Variants in SH3BP4 observed in about 807,000 individuals in gnomAD.
SH3BP4 encodes SH3 domain binding protein 4.
Under a neutral mutation model 65.5 loss-of-function variants are expected in SH3BP4, and 33 were observed. The ratio of observed to expected loss-of-function variants is 0.50; its 90% confidence interval spans 0.38 to 0.67. The LOEUF is 0.67. Among genes scored for constraint, SH3BP4 ranks in the 30% least tolerant of loss-of-function variants. The pLI, the probability that SH3BP4 is intolerant of heterozygous loss-of-function variation, is 0.00. For synonymous variants in SH3BP4, 552 were observed against 545.5 expected, an observed-to-expected ratio of 1.01 and a Z score of -0.17; for missense variants, 1,134 against 1,261.4, an observed-to-expected ratio of 0.90 and a Z score of 1.53.
At chr2:235,008,945 G>T (rs1694388469) in intron 2 of SH3BP4, among the ~76,000 whole-genome samples, 2 of 152,312 alleles carry the variant, frequency 1.3e-5, no homozygotes, top group South Asian at 4.1e-4. Flanking sequence ...CAACACCGGG[G>T]TTCCAGCTGG....
intron 2 of SH3BP4, among the ~76,000 whole-genome samples, chr2:235,016,675 A>T (rs1694693233): frequency 6.6e-6 from 1 of 151,968 alleles, no homozygotes; most frequent in African/African-American, 2.4e-5. Context: ...TGCTCAGCTA[A>T]TTTTTTTGTA....
chr2:235,047,475 G>C (rs950637932), intron 4 of SH3BP4, among the ~76,000 whole-genome samples: 1 of 152,268 alleles, frequency 6.6e-6, no homozygotes, highest in African/African-American at 2.4e-5. Context: ...GCGTCTGGCA[G>C]TGGTAGAGGC....
Position 235,045,500 on chromosome 2 carries a change from G to GTCCTTCC in SH3BP4, c.2478+2254_2478+2260dup, listed in dbSNP as rs1695826621. 1.3e-5 allele frequency among the ~76,000 whole-genome samples: 2 copies of GTCCTTCC among 152,128 alleles called. No individual in the cohort carries two copies. Among genetic ancestry groups the GTCCTTCC allele is most frequent in the Admixed American group, 1.3e-4 (2 of 15,286 alleles). ...GGAGGGGTGTGTCCTCTGTGCCCGA[G>GTCCTTCC]TCCTTCCGCTACCCAGAAAGGAGGA... On this transcript the variant is annotated intron_variant, in intron 4 of 5. Transcript: ENST00000392011. The surrounding 1 kb of genome is among the most constrained non-coding windows in gnomAD (Gnocchi z 4.3).
chr2:235,000,101 G>C (rs1222276274), intron 2 of SH3BP4, among the ~76,000 whole-genome samples: 1 of 152,352 alleles, frequency 6.6e-6, no homozygotes, highest in East Asian at 1.9e-4. Context: ...CAGGCTGGGG[G>C]TGTGCCTGGG....
At chr2:235,023,563 G>A (rs544963887) in intron 2 of SH3BP4, among the ~76,000 whole-genome samples, 8 of 151,860 alleles carry the variant, frequency 5.3e-5, no homozygotes, top group Admixed American at 3.3e-4. Flanking sequence ...TGGGGTGGGG[G>A]GTGAGAAGAA....
intron 2 of SH3BP4, among the ~76,000 whole-genome samples, chr2:235,005,993 C>G (rs1043893653): frequency 6.6e-6 from 1 of 152,224 alleles, no homozygotes; most frequent in African/African-American, 2.4e-5. Flanking sequence ...GGTTTTGATC[C>G]CTGGGGGAGT....
intron 1 of SH3BP4, among the ~76,000 whole-genome samples, chr2:234,960,811 AT>A (rs1297201199): frequency 6.6e-6 from 1 of 152,176 alleles, no homozygotes; most frequent in Non-Finnish European, 1.5e-5. Context: ...AAACAGCCTG[AT>A]TTGCAAAACT....
intron 1 of SH3BP4, among the ~76,000 whole-genome samples, chr2:234,960,822 T>C (rs1214962508): frequency 1.3e-5 from 2 of 152,180 alleles, no homozygotes; most frequent in African/African-American, 4.8e-5. Context: ...TTTGCAAAAC[T>C]GAAAGTTGTT....
In SH3BP4 at chr2:235,045,523, G is replaced by A. The variant is rs1695827954; in HGVS notation, c.2478+2276G>A. ...GAGTCCTTCCGCTACCCAGAAAGGA[G>A]GAAGTGAAACTTGCCCTTGGCCAGG... On this transcript the variant is annotated intron_variant, in intron 4 of 5. Coordinates refer to ENST00000392011, the MANE Select transcript of SH3BP4 (RefSeq NM_014521.3). The surrounding 1 kb of genome is among the most constrained non-coding windows in gnomAD (Gnocchi z 4.3). 6.6e-6 allele frequency among the ~76,000 whole-genome samples: 1 copy of A among 152,164 alleles called. No homozygotes were observed. The highest frequency in any genetic ancestry group is 2.4e-5 in the African/African-American group (1 of 41,434).
At chr2:234,988,261 G>T (rs13406254) in intron 1 of SH3BP4, among the ~76,000 whole-genome samples, 1 of 152,020 alleles carries the variant, frequency 6.6e-6, no homozygotes, top group East Asian at 1.9e-4. Context: ...GGGTTTCACC[G>T]TGTTAGCCAG....
rs1212707893 is a variant in SH3BP4 at position 235,046,868 on chromosome 2, T to G, written c.2478+3621T>G. ...GTGGTTCCATTTCCTCTTTCCATTC[T>G]TTTTGTGCCTGTTTTTGATAGAGTC... is the stretch of plus-strand genomic sequence containing the variant. On this transcript the variant is annotated intron_variant, in intron 4 of 5. Transcript: ENST00000392011. The surrounding 1 kb of genome is among the most constrained non-coding windows in gnomAD (Gnocchi z 4.2). 6.6e-6 allele frequency among the ~76,000 whole-genome samples: 1 copy of G among 152,198 alleles called. No homozygotes were observed. The highest frequency in any genetic ancestry group is 2.4e-5 in the African/African-American group (1 of 41,452).
At position 235,041,945 on chromosome 2, in the gene SH3BP4, C is replaced by G; in HGVS notation, c.1176C>G (p.Ile392Met). ...ACCTGGAGGTGAAAACCTCTATCAT[C>G]TTGGAGATGAAAGTGTCAGCCGAGA... Reference protein sequence around the residue: ...LSNLEVKTSIILEMKVSAEIK... With the variant: ...LSNLEVKTSIMLEMKVSAEIK... The change falls in exon 4 of 6, where the codon ATC becomes ATG. Residue 392 changes from isoleucine (I) to methionine (M), a missense_variant. Ile to Met is a conservative substitution (Grantham distance 10). Transcript: ENST00000392011. This position sits in a 1 kb window ranked among gnomAD's most constrained non-coding sequence, Gnocchi z 6.0. The G allele has an allele frequency of 6.2e-7, 1 of 1,613,506 alleles. No individual in the cohort carries two copies. The highest frequency in any genetic ancestry group is 8.5e-7 in the Non-Finnish European group (1 of 1,179,626).
intron 4 of SH3BP4, among the ~76,000 whole-genome samples, chr2:235,049,561 C>T (rs1340500768): frequency 6.6e-6 from 1 of 152,214 alleles, no homozygotes; most frequent in Non-Finnish European, 1.5e-5. Flanking sequence ...GACAGCCTAC[C>T]AGCTAACTAC....
intron 2 of SH3BP4, among the ~76,000 whole-genome samples, chr2:235,032,410 A>G (rs921109697): frequency 6.6e-6 from 1 of 152,086 alleles, no homozygotes; most frequent in Non-Finnish European, 1.5e-5. Context: ...GGGTCTCTTC[A>G]TTTTCTTTCT....
chr2:234,981,136 C>T (rs1342043391), intron 1 of SH3BP4, among the ~76,000 whole-genome samples: 1 of 152,206 alleles, frequency 6.6e-6, no homozygotes, highest in Admixed American at 6.5e-5. Flanking sequence ...AAAATCAAAT[C>T]AGGCACAATT....
chr2:234,992,586 C>T (rs1693779754), intron 1 of SH3BP4, among the ~76,000 whole-genome samples: 1 of 150,202 alleles, frequency 6.7e-6, no homozygotes, highest in South Asian at 2.1e-4. Context: ...GTCTGGGCAG[C>T]ACCTGGAGAT....
At chr2:235,028,766 C>T (rs1695084313) in intron 2 of SH3BP4, among the ~76,000 whole-genome samples, 1 of 152,098 alleles carries the variant, frequency 6.6e-6, no homozygotes, top group South Asian at 2.1e-4. Context: ...TGAGCAAAGA[C>T]CTGAATGAAG....
intron 4 of SH3BP4, among the ~76,000 whole-genome samples, chr2:235,050,252 A>G (rs912106532): frequency 1.3e-5 from 2 of 151,878 alleles, no homozygotes; most frequent in African/African-American, 2.4e-5. Flanking sequence ...AGTAGCTGGG[A>G]CTACAGGTGC....
At position 235,052,823 on chromosome 2, in the gene SH3BP4, C is replaced by G. The variant is rs1696104858; in HGVS notation, c.2667+73C>G. 9.4e-6 allele frequency: 13 copies of G among 1,389,034 alleles called. No individual in the cohort carries two copies. The South Asian group carries it at 1.8e-4, about 19-fold the overall frequency. The allele number at this position is 1,389,034 out of a possible 1,614,324, so 86.0% of individuals were successfully genotyped here. ...GTTCCGTGGACCCATGCAGTGCAGC[C>G]ATAAAAAGTCTTGCCTCGCGGCATT... On this transcript the variant is annotated intron_variant, in intron 5 of 5. Coordinates refer to ENST00000392011, the MANE Select transcript of SH3BP4 (RefSeq NM_014521.3). This position sits in a 1 kb window ranked among gnomAD's most constrained non-coding sequence, Gnocchi z 5.0.
Sources: allele counts gnomAD v4.1 joint callset (sites outside exome capture counted in the v4.1 genomes callset), GRCh38; gene constraint gnomAD v4.1.1; non-coding constraint Gnocchi (gnomAD v3.1); transcripts MANE v1.5; gene names NCBI Gene and HGNC (gene_info 2026-07-23, HGNC 2026-07-21).